ASAP1: variants seen among roughly 807,000 people sequenced by gnomAD.
ASAP1 encodes ArfGAP with SH3 domain, ankyrin repeat and PH domain 1.
A neutral mutation model predicts 145.2 loss-of-function variants in ASAP1; 43 were observed. The observed-to-expected ratio is 0.30, with a 90% CI of 0.23 to 0.38. The LOEUF (loss-of-function observed/expected upper bound fraction) is 0.38. Ranked by LOEUF, ASAP1 falls within the 10% of genes least tolerant of loss-of-function variation. The probability of loss-of-function intolerance (pLI) is 1.00; values close to 1 mark genes in which losing one functional copy is unlikely to be tolerated. For synonymous variants in ASAP1, 546 were observed against 515.5 expected (o/e 1.06, Z -0.80); for missense variants, 1,018 against 1,355.3 (o/e 0.75, Z 3.91).
intron 3 of ASAP1, among the ~76,000 whole-genome samples, chr8:130,351,184 G>C (rs1825972818): frequency 6.6e-6 from 1 of 152,180 alleles, no homozygotes; most frequent in African/African-American, 2.4e-5. Context: ...TTTCTCACGG[G>C]TCCTGCAAGA....
chr8:130,068,994 A>G (rs1263185947), intron 27 of ASAP1, among the ~76,000 whole-genome samples: 1 of 152,220 alleles, frequency 6.6e-6, no homozygotes, highest in African/African-American at 2.4e-5. Context: ...AGATGCTAAT[A>G]AAAATATTAG....
chr8:130,253,347 C>T (rs1057331552), intron 3 of ASAP1, among the ~76,000 whole-genome samples: 1 of 152,142 alleles, frequency 6.6e-6, no homozygotes, highest in African/African-American at 2.4e-5. Context: ...TATAAAGTGC[C>T]TTAGAATGGT....
chr8:130,068,061 G>T (rs1456639298), intron 27 of ASAP1, among the ~76,000 whole-genome samples: 4 of 152,180 alleles, frequency 2.6e-5, no homozygotes, highest in Non-Finnish European at 5.9e-5. Flanking sequence ...TGGTCACCCA[G>T]GGTATGAAGC....
intron 5 of ASAP1, among the ~76,000 whole-genome samples, chr8:130,190,514 T>G (rs1431501069): frequency 1.3e-5 from 2 of 151,460 alleles, no homozygotes; most frequent in African/African-American, 4.9e-5. Context: ...GATTTATGCA[T>G]TTATTTTTAT....
At chr8:130,265,809 C>T (rs998894589) in intron 3 of ASAP1, among the ~76,000 whole-genome samples, 3 of 151,986 alleles carry the variant, frequency 2.0e-5, no homozygotes, top group Admixed American at 6.6e-5. Flanking sequence ...CCTGGGAGGT[C>T]GAGGCTGAAG....
intron 14 of ASAP1, 60 bp from the exon 15 acceptor site, chr8:130,134,404 AAC>A (rs2097589450): frequency 9.0e-7 from 1 of 1,115,090 alleles, no homozygotes; most frequent in Non-Finnish European, 1.3e-6. Flanking sequence ...TTTCAGGTAC[AAC>A]ACAGATTTAA....
At chr8:130,256,128 C>T (rs1000923561) in intron 3 of ASAP1, among the ~76,000 whole-genome samples, 1 of 152,164 alleles carries the variant, frequency 6.6e-6, no homozygotes. Context: ...AACCTTTGCC[C>T]TGAAGCACTA....
chr8:130,252,888 C>G (rs1277434214), intron 3 of ASAP1, among the ~76,000 whole-genome samples: 1 of 152,126 alleles, frequency 6.6e-6, no homozygotes, highest in Non-Finnish European at 1.5e-5. Flanking sequence ...AAAGAAGTTT[C>G]CTGAGTCACA....
At position 130,091,257 on chromosome 8, in the gene ASAP1, C is replaced by T. The variant is rs575256126; in HGVS notation, c.2572+716G>A. ...TCATGGAGCTTACATTTTAGTGGGG[C>T]GGCTTACATTCTGTGATAAGGTGTT... is the stretch of plus-strand genomic sequence containing the variant. On this transcript the variant is annotated intron_variant, in intron 25 of 29. Coordinates refer to ENST00000518721, the MANE Select transcript of ASAP1 (RefSeq NM_018482.4). Among the ~76,000 whole-genome samples, 152 of 152,130 alleles carry T rather than the reference C, an allele frequency of 1.0e-3. 2 individuals carry two copies. In the South Asian group the frequency reaches 0.024, roughly 24 times the overall value.
rs547557471 is a variant in ASAP1 at position 130,112,165 on chromosome 8, G to A, written c.2330C>T (p.Ser777Phe). Residue 777 changes from serine to phenylalanine, a missense_variant, in exon 24 of 30, where the codon TCC (serine) becomes TTC (phenylalanine). Transcript: ENST00000518721. Reference sequence around the variant, plus strand: ...TGATGTGGGCGAGTCTGTGCTTGTGGAAACGAAGATCTGGTTGGTGAAGGC... The same window carrying A: ...TGATGTGGGCGAGTCTGTGCTTGTGAAAACGAAGATCTGGTTGGTGAAGGC... ...YGAFTNQIFV[S>F]TSTDSPTSPT... is the part of the protein sequence containing the mutation. 3.2e-5 allele frequency: 52 copies of A among 1,614,142 alleles called. No homozygotes were observed. The South Asian group carries it at 5.3e-4, about 16-fold the overall frequency.
chr8:130,185,743 A>AG (rs1179731793), intron 7 of ASAP1, among the ~76,000 whole-genome samples: 9 of 150,966 alleles, frequency 6.0e-5, no homozygotes, highest in South Asian at 2.1e-4. Context: ...AAAAAAAAAA[A>AG]AAAAAGAAAA....
At position 130,091,846 on chromosome 8, in the gene ASAP1, G is replaced by A. The variant is rs11988989; in HGVS notation, c.2572+127C>T. Reference sequence around the variant, plus strand: ...AGGTAGAATCATGTCATATATACCCGAGTCAGCACCCAGCATGTGTGTGCA... The same window carrying A: ...AGGTAGAATCATGTCATATATACCCAAGTCAGCACCCAGCATGTGTGTGCA... On this transcript the variant is annotated intron_variant, in intron 25 of 29. Coordinates refer to ENST00000518721, the MANE Select transcript of ASAP1 (RefSeq NM_018482.4). 14,842 of 1,011,864 alleles carry A rather than the reference G, an allele frequency of 0.015. 1,589 individuals are homozygous for A. In the African/African-American group the frequency reaches 0.22, roughly 15 times the overall value. 62.7% of individuals were successfully genotyped at this position (1,011,864 alleles called of 1,614,324 possible). A position where few individuals can be genotyped will look rare whatever the true frequency, so the allele number is the denominator to read the frequency against.
chr8:130,054,877 G>A (rs1178615613), intron 29 of ASAP1, 72 bp from the exon 30 acceptor site: 7 of 1,232,548 alleles, frequency 5.7e-6, no homozygotes, highest in Admixed American at 3.4e-5. Context: ...CAGTGGGTAA[G>A]AGCCCAGCCT....
intron 3 of ASAP1, among the ~76,000 whole-genome samples, chr8:130,265,135 C>T (rs1820165232): frequency 6.6e-6 from 1 of 152,140 alleles, no homozygotes. Flanking sequence ...GATGGGGGAG[C>T]TTGTTCCCTT....
intron 1 of ASAP1, among the ~76,000 whole-genome samples, chr8:130,413,706 C>A (rs1829359321): frequency 6.6e-6 from 1 of 152,216 alleles, no homozygotes; most frequent in Admixed American, 6.5e-5. Flanking sequence ...CCCCACACAG[C>A]AGCCCACTAC....
At chr8:130,125,853 T>G (rs776707250) in intron 17 of ASAP1, 103 bp downstream of exon 17, 18 of 1,194,174 alleles carry the variant, frequency 1.5e-5, no homozygotes, top group Non-Finnish European at 1.9e-5. Flanking sequence ...TCAGGAATTA[T>G]AATTCTTTGT....
intron 3 of ASAP1, among the ~76,000 whole-genome samples, chr8:130,296,104 T>C (rs1006633563): frequency 6.6e-6 from 1 of 152,210 alleles, no homozygotes; most frequent in Non-Finnish European, 1.5e-5. Flanking sequence ...TAGTGACCTT[T>C]AACTCTCTCT....
chr8:130,088,233 C>T (rs903726511), intron 25 of ASAP1, among the ~76,000 whole-genome samples: 25 of 152,264 alleles, frequency 1.6e-4, no homozygotes, highest in East Asian at 7.7e-4. Context: ...CGAATTCAAG[C>T]GATTCTCCTG....
At chr8:130,195,295 C>G (rs6470806) in intron 5 of ASAP1, 151,170 of 151,322 alleles carry the variant, frequency 1, 75,509 homozygotes, top group Middle Eastern at 1. Flanking sequence ...AAGCAATTGG[C>G]GGGGGCCAAG....
Sources: allele counts gnomAD v4.1 joint callset (sites outside exome capture counted in the v4.1 genomes callset), GRCh38; gene constraint gnomAD v4.1.1; transcripts MANE v1.5; gene names NCBI Gene and HGNC (gene_info 2026-07-23, HGNC 2026-07-21).